MTUS1: variants seen among roughly 807,000 people sequenced by gnomAD.
MTUS1 encodes microtubule associated scaffold protein 1.
Under a neutral mutation model 120.8 loss-of-function variants are expected in MTUS1, and 109 were observed. That is an observed-to-expected ratio of 0.90 (90% CI 0.77 to 1.06). The LOEUF (loss-of-function observed/expected upper bound fraction) is 1.06. Among genes scored for constraint, MTUS1 ranks in the 50% least tolerant of loss-of-function variants. MTUS1 has a pLI of 0.00. For synonymous variants in MTUS1, 737 were observed against 550.5 expected, an observed-to-expected ratio of 1.34 and a Z score of -4.74; for missense variants, 2,210 against 1,486.3, an observed-to-expected ratio of 1.49 and a Z score of -8.01.
intron 1 of MTUS1, among the ~76,000 whole-genome samples, chr8:17,778,554 C>A (rs527655436): frequency 6.6e-6 from 1 of 152,074 alleles, no homozygotes; most frequent in South Asian, 2.1e-4. Flanking sequence ...TGGTGGCTCA[C>A]GCCTGTAATC....
chr8:17,736,454 G>C (rs1370879028), intron 3 of MTUS1, among the ~76,000 whole-genome samples: 1 of 152,142 alleles, frequency 6.6e-6, no homozygotes, highest in Non-Finnish European at 1.5e-5. Context: ...CCTCCCGCCT[G>C]ACACCCAAAT....
chr8:17,724,313 T>G (rs572479024), intron 3 of MTUS1, among the ~76,000 whole-genome samples: 1 of 152,114 alleles, frequency 6.6e-6, no homozygotes, highest in Non-Finnish European at 1.5e-5. Context: ...CTCAGGAAAT[T>G]CACTCATTTA....
At position 17,755,076 on chromosome 8, in the gene MTUS1, T is replaced by C; in HGVS notation, c.732A>G (p.Thr244=). The C allele has an allele frequency of 1.2e-6, 2 of 1,613,870 alleles. No homozygotes were observed. Among genetic ancestry groups the C allele is most frequent in the Non-Finnish European group, 1.7e-6 (2 of 1,180,038 alleles). Reference sequence around the variant, plus strand: ...TTTGCATCACCACATCAGAAAATGCTGTGTAAGTCATGTCTTGGGCTTCTG... The same window carrying C: ...TTTGCATCACCACATCAGAAAATGCCGTGTAAGTCATGTCTTGGGCTTCTG... ...TPSEAQDMTY[T]AFSDVVMQSE... Residue 244 remains threonine (T), a synonymous_variant, in exon 2 of 15, where the codon ACA becomes ACG. Coordinates refer to ENST00000693296, the MANE Select transcript of MTUS1 (RefSeq NM_001363059.2).
chr8:17,726,638 C>A (rs541018859), intron 3 of MTUS1, among the ~76,000 whole-genome samples: 263 of 152,274 alleles, frequency 1.7e-3, no homozygotes, highest in African/African-American at 6.2e-3. Context: ...CTATTAGAGA[C>A]TTTTTTCTTT....
intron 1 of MTUS1, among the ~76,000 whole-genome samples, chr8:17,778,280 C>A (rs2050611570): frequency 6.6e-6 from 1 of 152,104 alleles, no homozygotes; most frequent in South Asian, 2.1e-4. Context: ...ACAAAAGTCT[C>A]CATACTCTAT....
chr8:17,762,227 C>G (rs184018499), intron 1 of MTUS1, among the ~76,000 whole-genome samples: 1 of 152,008 alleles, frequency 6.6e-6, no homozygotes, highest in Non-Finnish European at 1.5e-5. Context: ...CGCAGTGAGC[C>G]GAGATCACAC....
chr8:17,762,654 G>C (rs1260928906), intron 1 of MTUS1, among the ~76,000 whole-genome samples: 1 of 152,178 alleles, frequency 6.6e-6, no homozygotes, highest in Non-Finnish European at 1.5e-5. Flanking sequence ...TTTCAAAATG[G>C]TGGACGGCTA....
chr8:17,796,529 A>G (rs1338246102), intron 1 of MTUS1, among the ~76,000 whole-genome samples: 1 of 152,170 alleles, frequency 6.6e-6, no homozygotes, highest in African/African-American at 2.4e-5. Flanking sequence ...TTTATATATC[A>G]GAGCAATCAC....
chr8:17,719,559 A>T (rs1380961714), intron 4 of MTUS1, among the ~76,000 whole-genome samples: 1 of 152,230 alleles, frequency 6.6e-6, no homozygotes, highest in Non-Finnish European at 1.5e-5. Flanking sequence ...GTAAGTACTA[A>T]CATGTTTTGT....
At position 17,754,843 on chromosome 8, in the gene MTUS1, G is replaced by A; in HGVS notation, c.965C>T (p.Pro322Leu). ...GTGCCTGTATGAGCTCTGTGAATGT[G>A]GTTCGCTATTGGATTCATCATGGGA... is the stretch of plus-strand genomic sequence containing the variant. ...CLSHDESNSEPHSQSSYRHKE... is the reference protein window; with the variant it reads ...CLSHDESNSELHSQSSYRHKE... The change falls in exon 2 of 15, where the codon CCA becomes CTA. Residue 322 changes from proline to leucine, a missense_variant. Pro to Leu is a moderately conservative substitution (Grantham distance 98, BLOSUM62 -3). Coordinates refer to ENST00000693296, the MANE Select transcript of MTUS1 (RefSeq NM_001363059.2). 1 of 1,614,204 alleles carries A rather than the reference G, an allele frequency of 6.2e-7. No individual in the cohort carries two copies. Among genetic ancestry groups the A allele is most frequent in the Non-Finnish European group, 8.5e-7 (1 of 1,180,048 alleles).
chr8:17,664,958 T>C (rs767739813), intron 8 of MTUS1, among the ~76,000 whole-genome samples: 1 of 152,180 alleles, frequency 6.6e-6, no homozygotes, highest in Non-Finnish European at 1.5e-5. Flanking sequence ...CAAATAGGCA[T>C]GTCCAGTTTC....
chr8:17,767,707 A>AAAAAACAAACAAACAAACAAAC (rs762249959), intron 1 of MTUS1, among the ~76,000 whole-genome samples: 10 of 144,526 alleles, frequency 6.9e-5, no homozygotes, highest in South Asian at 2.2e-4. Context: ...TCTTAAAAAA[A>AAAAAACAAACAAACAAACAAAC]AAAAAAAAAA....
chr8:17,742,269 GTT>G (rs1210338239), intron 3 of MTUS1, among the ~76,000 whole-genome samples: 12 of 94,900 alleles, frequency 1.3e-4, no homozygotes, highest in African/African-American at 4.3e-4. Flanking sequence ...ATGCCCAGCT[GTT>G]TTTTTTTTTT....
At chr8:17,684,745 G>C (rs960876441) in intron 6 of MTUS1, among the ~76,000 whole-genome samples, 2 of 152,156 alleles carry the variant, frequency 1.3e-5, no homozygotes, top group African/African-American at 2.4e-5. Context: ...CTTCATTTAT[G>C]ACTTTAAAAG....
At chr8:17,703,013 C>A (rs1304916902) in intron 6 of MTUS1, among the ~76,000 whole-genome samples, 1 of 152,070 alleles carries the variant, frequency 6.6e-6, no homozygotes, top group African/African-American at 2.4e-5. Flanking sequence ...ACCTCAGGAC[C>A]CTGTGATGAT....
intron 1 of MTUS1, among the ~76,000 whole-genome samples, chr8:17,779,249 T>G (rs75324287): frequency 1.4e-4 from 21 of 152,324 alleles, no homozygotes; most frequent in African/African-American, 4.3e-4. Context: ...TTTGCTGTGA[T>G]AAGGATTATG....
chr8:17,740,757 C>T (rs1386235627), intron 3 of MTUS1, among the ~76,000 whole-genome samples: 7 of 152,178 alleles, frequency 4.6e-5, no homozygotes, highest in Admixed American at 4.6e-4. Context: ...CTGGAATGTC[C>T]AAGATAGAGG....
At chr8:17,703,238 C>T (rs767551195) in intron 6 of MTUS1, among the ~76,000 whole-genome samples, 2 of 152,254 alleles carry the variant, frequency 1.3e-5, no homozygotes, top group Non-Finnish European at 2.9e-5. Flanking sequence ...TCGTTAAATT[C>T]TTTTCCTAGC....
At chr8:17,719,463 G>GA (rs1406725767) in intron 4 of MTUS1, among the ~76,000 whole-genome samples, 1 of 152,174 alleles carries the variant, frequency 6.6e-6, no homozygotes, top group Non-Finnish European at 1.5e-5. Flanking sequence ...ATATACCCTA[G>GA]AAAAACGTGA....
Sources: gnomAD v4.1 joint callset for allele counts (sites outside exome capture counted in the v4.1 genomes callset) on GRCh38, gnomAD v4.1.1 for gene constraint, MANE v1.5 for transcripts, NCBI Gene and HGNC (gene_info 2026-07-23, HGNC 2026-07-21) for gene names.